Variants in KYAT1 observed in about 807,000 individuals in gnomAD.
KYAT1 encodes kynurenine--oxoglutarate transaminase 1.
In KYAT1, 47 loss-of-function variants were observed where a neutral mutation model predicts 52.4. That is an observed-to-expected ratio of 0.90 (90% CI 0.71 to 1.14). The LOEUF is 1.14. KYAT1 is among the 50% of genes most tolerant of loss of function. The pLI, the probability that KYAT1 is intolerant of heterozygous loss-of-function variation, is 0.00. For synonymous variants in KYAT1, 212 were observed against 209.6 expected (o/e 1.01, Z -0.10); for missense variants, 480 against 557.9 (o/e 0.86, Z 1.41).
intron 11 of KYAT1, among the ~76,000 whole-genome samples, chr9:128,834,831 C>CAA (rs35785668): frequency 0.032 from 807 of 25,292 alleles, 83 homozygotes; most frequent in African/African-American, 0.076. Flanking sequence ...GACTCTGTCT[C>CAA]AAAAAAAAAA....
chr9:128,838,065 C>T lies in KYAT1; in HGVS notation c.424G>A (p.Val142Met). 1 of 1,614,150 alleles carries T rather than the reference C, an allele frequency of 6.2e-7. No individual in the cohort carries two copies. The highest frequency in any genetic ancestry group is 8.5e-7 in the Non-Finnish European group (1 of 1,180,024). Reference protein sequence around the residue: ...TMMAGGRPVFVSLKPGPIQNG... With the variant: ...TMMAGGRPVFMSLKPGPIQNG... Reference sequence around the variant, plus strand: ...AGCATCCTTACCGGCTTCAGGGACACAAACACAGGACGACCCCCTGCCATC... The same window carrying T: ...AGCATCCTTACCGGCTTCAGGGACATAAACACAGGACGACCCCCTGCCATC... The change falls in exon 5 of 13, where the codon GTG (valine) becomes ATG (methionine). Residue 142 changes from valine (V) to methionine (M), a missense_variant. Coordinates refer to ENST00000302586, the MANE Select transcript of KYAT1 (RefSeq NM_004059.5).
At position 128,838,076 on chromosome 9, in the gene KYAT1, C is replaced by T. The variant is rs778926559; in HGVS notation, c.413G>A (p.Arg138His). Residue 138 changes from arginine to histidine, a missense_variant, in exon 5 of 13, where the codon CGT becomes CAT. Arg to His is a conservative substitution (Grantham distance 29, BLOSUM62 0). Transcript: ENST00000302586. The part of the protein sequence containing the change: ...YEPMTMMAGG[R>H]PVFVSLKPGP... ...CGGCTTCAGGGACACAAACACAGGA[C>T]GACCCCCTGCCATCATTGTCATGGG... The T allele has an allele frequency of 1.4e-5, 22 of 1,613,984 alleles. No individual in the cohort carries two copies. Among genetic ancestry groups the T allele is most frequent in the Middle Eastern group, 1.6e-4 (1 of 6,084 alleles).
chr9:128,873,722 G>C (rs1472256548), intron 1 of KYAT1, among the ~76,000 whole-genome samples: 1 of 151,946 alleles, frequency 6.6e-6, no homozygotes, highest in Non-Finnish European at 1.5e-5. Flanking sequence ...AGAGGTTGCA[G>C]TGAGCGGCAC....
chr9:128,879,335 G>GA (rs1838486003), intron 1 of KYAT1, among the ~76,000 whole-genome samples: 7 of 152,104 alleles, frequency 4.6e-5, no homozygotes, highest in Admixed American at 4.6e-4. Flanking sequence ...AATTATGCAG[G>GA]GAACTGGCAG....
chr9:128,867,771 GTTTT>G (rs1237754846), intron 1 of KYAT1, among the ~76,000 whole-genome samples: 1 of 143,680 alleles, frequency 7.0e-6, no homozygotes, highest in Non-Finnish European at 1.5e-5. Context: ...TATTGCAAAG[GTTTT>G]TTTGTTTGTT....
At chr9:128,853,911 T>G (rs991495486) in intron 1 of KYAT1, among the ~76,000 whole-genome samples, 1 of 152,242 alleles carries the variant, frequency 6.6e-6, no homozygotes, top group Admixed American at 6.5e-5. Flanking sequence ...ACATGTACCT[T>G]CATTTGGAAA....
chr9:128,865,924 T>C (rs1836303593), intron 1 of KYAT1, among the ~76,000 whole-genome samples: 1 of 152,216 alleles, frequency 6.6e-6, no homozygotes, highest in African/African-American at 2.4e-5. Context: ...ACAGAGCAGC[T>C]GCTCAATAAA....
chr9:128,865,353 A>T (rs1471230796), intron 1 of KYAT1, among the ~76,000 whole-genome samples: 980 of 5,706 alleles, frequency 0.17, 135 homozygotes, highest in African/African-American at 0.33. Flanking sequence ...ATATATATAT[A>T]TATATATTTT....
intron 3 of KYAT1, among the ~76,000 whole-genome samples, chr9:128,841,410 GGAGAATGGCTTGAA>G: frequency 6.6e-6 from 1 of 152,220 alleles, no homozygotes; most frequent in South Asian, 2.1e-4. Flanking sequence ...GGCTGAGGCA[GGAGAATGGCTTGAA>G]CCCAGGAGGC....
chr9:128,879,025 G>A (rs1168166427), intron 1 of KYAT1, among the ~76,000 whole-genome samples: 3 of 152,152 alleles, frequency 2.0e-5, no homozygotes, highest in African/African-American at 7.2e-5. Flanking sequence ...AAATTATGCC[G>A]GGAGGCCGGG....
At chr9:128,835,941 C>T in intron 8 of KYAT1, 56 bp downstream of exon 8, 1 of 1,601,428 alleles carries the variant, frequency 6.2e-7, no homozygotes, top group Non-Finnish European at 8.6e-7. Flanking sequence ...CTCAGGCCCA[C>T]CTCACTTGCC....
intron 1 of KYAT1, among the ~76,000 whole-genome samples, chr9:128,878,943 G>A (rs1020337279): frequency 3.3e-5 from 5 of 152,190 alleles, no homozygotes; most frequent in African/African-American, 9.7e-5. Flanking sequence ...TGACTTACTC[G>A]AAGTCCCAGA....
chr9:128,873,978 G>GGGCGT (rs1837607418), intron 1 of KYAT1, among the ~76,000 whole-genome samples: 1 of 150,602 alleles, frequency 6.6e-6, no homozygotes, highest in South Asian at 2.1e-4. Flanking sequence ...TTCTGAGGCC[G>GGGCGT]GGCGTGGTGG....
rs1002748022 is a variant in KYAT1 at position 128,864,318 on chromosome 9, A to G, written c.-7+17579T>C. Among the ~76,000 whole-genome samples, 23 of 133,598 alleles carry G rather than the reference A, an allele frequency of 1.7e-4. No homozygotes were observed. The Admixed American group carries it at 2.1e-3, about 12-fold the overall frequency. The allele number at this position is 133,598 out of a possible 152,430, so 87.6% of individuals were successfully genotyped here. A position where few individuals can be genotyped will look rare whatever the true frequency, so the allele number is the denominator to read the frequency against. ...GAGGCGAAGATTGTAGTGAGCCGAGATTGCGCCATTGCACTCCAGCCTGGG... is the reference window on the plus strand; with the variant it reads ...GAGGCGAAGATTGTAGTGAGCCGAGGTTGCGCCATTGCACTCCAGCCTGGG... On this transcript the variant is annotated intron_variant, in intron 1 of 12. Transcript: ENST00000302586.
At chr9:128,872,151 C>A (rs1232208411) in intron 1 of KYAT1, among the ~76,000 whole-genome samples, 3 of 133,740 alleles carry the variant, frequency 2.2e-5, no homozygotes, top group Admixed American at 1.6e-4. Context: ...AAAAAAAAGA[C>A]CATGTTGAAT....
rs777924038 is a variant in KYAT1 at position 128,845,425 on chromosome 9, A to G, written c.-6-14T>C. ...GGCCATGGCGAGCTGGAGACGAACA[A>G]GTGGAAGGTCAGAGATGGAATCTGT... On this transcript the variant is annotated splice_polypyrimidine_tract_variant and intron_variant, in intron 1 of 12. Coordinates refer to ENST00000302586, the MANE Select transcript of KYAT1 (RefSeq NM_004059.5). 1 of 1,613,384 alleles carries G rather than the reference A, an allele frequency of 6.2e-7. No homozygotes were observed.
At chr9:128,854,868 T>G (rs1444591939) in intron 1 of KYAT1, among the ~76,000 whole-genome samples, 1 of 152,226 alleles carries the variant, frequency 6.6e-6, no homozygotes, top group Non-Finnish European at 1.5e-5. Context: ...CTGGGTATCA[T>G]TATCCTCCTA....
rs1365483160 is a variant in KYAT1 at position 128,836,915 on chromosome 9, G to A, written c.575C>T (p.Ser192Phe). ...TPNNPLGKVF[S>F]REELELVASL... The stretch of plus-strand genomic sequence containing the variant: ...GGCCACCAGCTCCAGCTCTTCCCTG[G>A]AGAACACCTGCAGATGCCCAAGGAG... Residue 192 changes from serine (S) to phenylalanine (F), a missense_variant, in exon 7 of 13, where the codon TCC becomes TTC. Coordinates refer to ENST00000302586, the MANE Select transcript of KYAT1 (RefSeq NM_004059.5). 1 of 1,612,280 alleles carries A rather than the reference G, an allele frequency of 6.2e-7. No individual in the cohort carries two copies. The highest frequency in any genetic ancestry group is 1.1e-5 in the South Asian group (1 of 91,032).
chr9:128,862,105 T>G (rs1256174764), intron 1 of KYAT1, among the ~76,000 whole-genome samples: 1 of 152,184 alleles, frequency 6.6e-6, no homozygotes, highest in Non-Finnish European at 1.5e-5. Flanking sequence ...ATCAAATCAG[T>G]CTTTTTTTCC....
Sources: gnomAD v4.1 joint callset for allele counts (sites outside exome capture counted in the v4.1 genomes callset) on GRCh38, gnomAD v4.1.1 for gene constraint, MANE v1.5 for transcripts, NCBI Gene and HGNC (gene_info 2026-07-23, HGNC 2026-07-21) for gene names.